The following CADPS2 variants were observed in gnomAD, a reference collection of about 807,000 sequenced individuals.
The protein encoded by CADPS2 is calcium dependent secretion activator 2, also known as calcium-dependent secretion activator 2.
A neutral mutation model predicts 172.5 loss-of-function variants in CADPS2; 93 were observed. That is an observed-to-expected ratio of 0.54 (90% CI 0.46 to 0.64). The LOEUF is 0.64. Among genes scored for constraint, CADPS2 ranks in the 30% least tolerant of loss-of-function variants. The pLI is 0.00. For missense variants in CADPS2, 1,420 were observed against 1,565.9 expected (o/e 0.91, Z 1.57); for synonymous variants, 546 against 555.2 (o/e 0.98, Z 0.23).
intron 7 of CADPS2, among the ~76,000 whole-genome samples, chr7:122,568,117 G>A (rs1445186725): frequency 6.6e-6 from 1 of 152,012 alleles, no homozygotes; most frequent in Non-Finnish European, 1.5e-5. Flanking sequence ...GAAAGCTGGG[G>A]GCTGGGCACA....
chr7:122,834,421 T>C (rs75457467), intron 1 of CADPS2, among the ~76,000 whole-genome samples: 2,356 of 151,972 alleles, frequency 0.016, 56 homozygotes, highest in African/African-American at 0.054. Flanking sequence ...CTCACTGAGG[T>C]GTGTCAAACA....
At chr7:122,424,253 C>T (rs1033960875) in intron 17 of CADPS2, 16 of 800,734 alleles carry the variant, frequency 2.0e-5, no homozygotes, top group African/African-American at 1.1e-4. Context: ...AATATTCTCC[C>T]GGAATTAACC....
intron 22 of CADPS2, 119 bp downstream of exon 22, chr7:122,393,077 A>C (rs1318253479): frequency 1.7e-6 from 2 of 1,194,722 alleles, no homozygotes; most frequent in South Asian, 1.9e-5. Flanking sequence ...AAAAAAAAAA[A>C]ACAGTATTCC....
chr7:122,640,070 A>G lies in CADPS2; in HGVS notation c.787-10742T>C, dbSNP rs184342864. Among the ~76,000 whole-genome samples the G allele has an allele frequency of 2.1e-3, 315 of 152,324 alleles. 2 individuals carry two copies. In the Middle Eastern group the frequency reaches 0.044, roughly 21 times the overall value. Reference sequence around the variant, plus strand: ...TTTCAGCTCCGTACCCCGATCATTCATGAGTAATGCCGTGTGATAAATGGC... The same window carrying G: ...TTTCAGCTCCGTACCCCGATCATTCGTGAGTAATGCCGTGTGATAAATGGC... On this transcript the variant is annotated intron_variant, in intron 3 of 29. Coordinates refer to ENST00000449022, the MANE Select transcript of CADPS2 (RefSeq NM_017954.11).
chr7:122,357,760 T>C (rs1391212383), intron 27 of CADPS2, among the ~76,000 whole-genome samples: 1 of 152,192 alleles, frequency 6.6e-6, no homozygotes, highest in Non-Finnish European at 1.5e-5. Context: ...AATTGGCTAC[T>C]TTTGGCAATA....
chr7:122,501,498 G>A (rs551280717), intron 9 of CADPS2, among the ~76,000 whole-genome samples: 1 of 152,064 alleles, frequency 6.6e-6, no homozygotes, highest in East Asian at 1.9e-4. Flanking sequence ...TGAGATTGAG[G>A]TCTAAACTCC....
chr7:122,500,338 T>C (rs2059095045), intron 9 of CADPS2, among the ~76,000 whole-genome samples: 1 of 152,176 alleles, frequency 6.6e-6, no homozygotes, highest in Non-Finnish European at 1.5e-5. Context: ...CGAAATTTAT[T>C]TCAATTCAGT....
At chr7:122,671,829 C>T (rs1564022182) in intron 2 of CADPS2, among the ~76,000 whole-genome samples, 1 of 152,248 alleles carries the variant, frequency 6.6e-6, no homozygotes, top group East Asian at 1.9e-4. Context: ...AGTAGGAAGG[C>T]AGAGGTGTGA....
intron 1 of CADPS2, among the ~76,000 whole-genome samples, chr7:122,855,447 C>T (rs1034125226): frequency 2.0e-5 from 3 of 152,112 alleles, no homozygotes; most frequent in Admixed American, 2.0e-4. Context: ...ATAAAGTGTC[C>T]TTCCATTCAC....
At chr7:122,850,241 G>T in intron 1 of CADPS2, 5 of 1,024,972 alleles carry the variant, frequency 4.9e-6, no homozygotes, top group South Asian at 3.0e-5. Context: ...GAGGCCCCCT[G>T]ACCCAGCTCC....
chr7:122,621,857 T>C (rs1417214094), intron 4 of CADPS2, 140 bp from the exon 5 acceptor site: 3 of 596,710 alleles, frequency 5.0e-6, no homozygotes, highest in African/African-American at 3.7e-5. Flanking sequence ...GTCACTAGGC[T>C]GTAAAATCCT....
At chr7:122,641,806 G>T (rs893244736) in intron 3 of CADPS2, among the ~76,000 whole-genome samples, 3 of 151,568 alleles carry the variant, frequency 2.0e-5, no homozygotes, top group Admixed American at 6.6e-5. Flanking sequence ...ATACCCTGTT[G>T]CAGGATTTTC....
intron 1 of CADPS2, among the ~76,000 whole-genome samples, chr7:122,794,241 G>C (rs911838109): frequency 6.6e-6 from 1 of 151,828 alleles, no homozygotes; most frequent in Non-Finnish European, 1.5e-5. Flanking sequence ...GGACACCAAT[G>C]AGTCATAGAT....
chr7:122,847,464 G>A (rs938511325), intron 1 of CADPS2, among the ~76,000 whole-genome samples: 1 of 152,196 alleles, frequency 6.6e-6, no homozygotes, highest in Non-Finnish European at 1.5e-5. Context: ...CAACTCTGAT[G>A]AGTCTTTTAC....
chr7:122,411,289 C>T lies in CADPS2; in HGVS notation c.2589+2779G>A, dbSNP rs375454306. Among the ~76,000 whole-genome samples the T allele has an allele frequency of 1.4e-3, 218 of 150,620 alleles. 1 individual carries two copies. The East Asian group carries it at 0.015, about 10-fold the overall frequency. ...AGGCTGGAGTGCAGCGGCACAATCT[C>T]GGCTCACTGCAACCTCTGCCTCCCA... On this transcript the variant is annotated intron_variant, in intron 19 of 29. Transcript: ENST00000449022.
rs1042726026 is a variant in CADPS2, at chr7:122,480,600, T to C, written c.1861+252A>G. Among the ~76,000 whole-genome samples the C allele has an allele frequency of 3.9e-5, 6 of 152,206 alleles. No individual in the cohort carries two copies. In the South Asian group the frequency reaches 1.0e-3, roughly 26 times the overall value. ...ACTTAACATATATTGACCATTTGTT[T>C]TGCACGTTATTACAACACATTCGTG... On this transcript the variant is annotated intron_variant, in intron 12 of 29. Transcript: ENST00000449022.
At chr7:122,540,979 T>A (rs536914499) in intron 8 of CADPS2, among the ~76,000 whole-genome samples, 1 of 152,036 alleles carries the variant, frequency 6.6e-6, no homozygotes, top group South Asian at 2.1e-4. Context: ...TATAAATACA[T>A]AGAGAGTACT....
intron 1 of CADPS2, among the ~76,000 whole-genome samples, chr7:122,835,014 C>A (rs1807895254): frequency 1.3e-5 from 2 of 152,278 alleles, no homozygotes; most frequent in South Asian, 4.1e-4. Flanking sequence ...GCCCGAGTAG[C>A]CTAATGGGGA....
At chr7:122,877,487 C>G (rs1439436716) in intron 1 of CADPS2, among the ~76,000 whole-genome samples, 1 of 152,158 alleles carries the variant, frequency 6.6e-6, no homozygotes, top group Non-Finnish European at 1.5e-5. Context: ...GATGCTTCAA[C>G]TGCCTACCTA....
Sources: gnomAD v4.1 joint callset for allele counts (sites outside exome capture counted in the v4.1 genomes callset) on GRCh38, gnomAD v4.1.1 for gene constraint, MANE v1.5 for transcripts, NCBI Gene and HGNC (gene_info 2026-07-23, HGNC 2026-07-21) for gene names.